RSRC1: variants seen among roughly 807,000 people sequenced by gnomAD.
RSRC1 encodes serine/Arginine-related protein 53.
In RSRC1, 39 loss-of-function variants were observed where a neutral mutation model predicts 49.1. The observed-to-expected ratio is 0.79, with a 90% CI of 0.61 to 1.04. RSRC1 has a LOEUF of 1.04. RSRC1 is among the 50% of genes least tolerant of loss of function. RSRC1 has a pLI of 0.00. For synonymous variants in RSRC1, 143 were observed against 130.8 expected (o/e 1.09, Z -0.63); for missense variants, 388 against 402.4 (o/e 0.96, Z 0.31).
intron 6 of RSRC1, among the ~76,000 whole-genome samples, chr3:158,441,098 C>A (rs374901836): frequency 6.6e-6 from 1 of 152,052 alleles, no homozygotes; most frequent in Non-Finnish European, 1.5e-5. Context: ...TATTAAATGG[C>A]CCAAAAAGAA....
chr3:158,179,631 T>C (rs1719464781), intron 3 of RSRC1, among the ~76,000 whole-genome samples: 2 of 152,206 alleles, frequency 1.3e-5, no homozygotes, highest in African/African-American at 4.8e-5. Flanking sequence ...CCTCAGTTTG[T>C]TTAACTATTA....
intron 7 of RSRC1, among the ~76,000 whole-genome samples, chr3:158,490,503 T>G (rs1041258658): frequency 5.9e-5 from 9 of 152,342 alleles, no homozygotes; most frequent in Non-Finnish European, 1.2e-4. Context: ...AAAAGTAGTA[T>G]GTAGTGATGT....
chr3:158,146,316 T>G (rs974213092), intron 3 of RSRC1, among the ~76,000 whole-genome samples: 3 of 152,198 alleles, frequency 2.0e-5, no homozygotes, highest in African/African-American at 7.2e-5. Flanking sequence ...AATATCTAAT[T>G]TATTGAGAGT....
chr3:158,434,056 A>G (rs1381899440), intron 6 of RSRC1, among the ~76,000 whole-genome samples: 1 of 151,956 alleles, frequency 6.6e-6, no homozygotes, highest in East Asian at 1.9e-4. Flanking sequence ...TTAGTTGACT[A>G]TTTAAGAAAT....
intron 3 of RSRC1, among the ~76,000 whole-genome samples, chr3:158,178,313 A>AT (rs1719367806): frequency 6.6e-6 from 1 of 151,758 alleles, no homozygotes; most frequent in Non-Finnish European, 1.5e-5. Context: ...AAATTTTTGT[A>AT]TTTTTTGGTA....
Position 158,345,775 on chromosome 3 carries a change from G to GTATA in RSRC1, c.532-9071_532-9068dup, listed in dbSNP as rs142376368. ...AGACTCATCATATATATGTGTGTGT[G>GTATA]TATATATATATATACACATATATAT... On this transcript the variant is annotated intron_variant, in intron 5 of 9. Transcript: ENST00000611884. Among the ~76,000 whole-genome samples the GTATA allele has an allele frequency of 1.9e-3, 279 of 143,326 alleles. 1 individual carries two copies. The highest frequency in any genetic ancestry group is 8.7e-3 in the South Asian group (39 of 4,508). 94.0% of individuals were successfully genotyped at this position (143,326 alleles called of 152,430 possible).
Position 158,228,848 on chromosome 3 carries a change from C to CACACATACATGTATATATGTATATAA in RSRC1, c.494+25611_494+25612insATGTATATATGTATATAAACACATAC, listed in dbSNP as rs1559951861. On this transcript the variant is annotated intron_variant, in intron 4 of 9. Coordinates refer to ENST00000611884, the MANE Select transcript of RSRC1 (RefSeq NM_001271838.2). ...ACACGTGTGTATATATGTATATAAACACACATACGTGTATATATGTATATA... is the reference window on the plus strand; with the variant it reads ...ACACGTGTGTATATATGTATATAAACACACATACATGTATATATGTATATAAACACATACGTGTATATATGTATATA... Among the ~76,000 whole-genome samples the CACACATACATGTATATATGTATATAA allele has an allele frequency of 1.8e-4, 15 of 81,606 alleles. 2 individuals are homozygous for CACACATACATGTATATATGTATATAA. The highest frequency in any genetic ancestry group is 4.1e-4 in the Non-Finnish European group (15 of 36,208). The allele number at this position is 81,606 out of a possible 152,430, so 53.5% of individuals were successfully genotyped here.
chr3:158,141,142 G>A (rs1716726749), intron 3 of RSRC1, among the ~76,000 whole-genome samples: 1 of 152,190 alleles, frequency 6.6e-6, no homozygotes, highest in Non-Finnish European at 1.5e-5. Flanking sequence ...ACCTTCAGAT[G>A]AGGTGTGAAT....
chr3:158,163,233 C>G (rs1014839799), intron 3 of RSRC1, among the ~76,000 whole-genome samples: 6 of 152,130 alleles, frequency 3.9e-5, no homozygotes, highest in Admixed American at 6.5e-5. Flanking sequence ...AAACTCCTGG[C>G]TTCAAGTGAT....
At chr3:158,509,641 T>A (rs1205020131) in intron 7 of RSRC1, among the ~76,000 whole-genome samples, 4 of 152,112 alleles carry the variant, frequency 2.6e-5, no homozygotes, top group Admixed American at 1.3e-4. Flanking sequence ...TATTAATATT[T>A]TACAAATTAA....
chr3:158,256,373 C>T (rs543951993), intron 4 of RSRC1, among the ~76,000 whole-genome samples: 13 of 152,166 alleles, frequency 8.5e-5, no homozygotes, highest in African/African-American at 2.2e-4. Context: ...TTATGATTTG[C>T]GTATGTTGAA....
chr3:158,499,791 T>C (rs1404773745), intron 7 of RSRC1, among the ~76,000 whole-genome samples: 1 of 152,158 alleles, frequency 6.6e-6, no homozygotes, highest in Non-Finnish European at 1.5e-5. Context: ...TTCAAGGTAA[T>C]TGATCATATC....
intron 7 of RSRC1, among the ~76,000 whole-genome samples, chr3:158,512,333 G>A (rs1451929619): frequency 2.1e-5 from 3 of 142,064 alleles, no homozygotes; most frequent in African/African-American, 8.1e-5. Context: ...TTCTACATAT[G>A]GCTAGCCAGT....
chr3:158,118,460 T>TGCGCGCGC (rs1489357796), intron 1 of RSRC1, among the ~76,000 whole-genome samples: 3 of 105,022 alleles, frequency 2.9e-5, no homozygotes, highest in African/African-American at 1.3e-4. Flanking sequence ...TGTGTGTGTG[T>TGCGCGCGC]GTGCGCGTGC....
chr3:158,309,120 T>G (rs566668909), intron 5 of RSRC1, among the ~76,000 whole-genome samples: 12 of 151,938 alleles, frequency 7.9e-5, no homozygotes, highest in African/African-American at 2.9e-4. Context: ...TGAGAAATGA[T>G]GCACTGCTCC....
chr3:158,454,439 C>CT (rs559421302), intron 6 of RSRC1, among the ~76,000 whole-genome samples: 69 of 152,168 alleles, frequency 4.5e-4, no homozygotes, highest in Non-Finnish European at 7.9e-4. Context: ...TGTCACTTAA[C>CT]TTTTTTTGTA....
At chr3:158,190,476 T>C (rs1720173907) in intron 3 of RSRC1, among the ~76,000 whole-genome samples, 1 of 151,746 alleles carries the variant, frequency 6.6e-6, no homozygotes, top group African/African-American at 2.4e-5. Flanking sequence ...TATGAGCACC[T>C]TATAATTTAA....
At chr3:158,339,468 A>G (rs1214459638) in intron 5 of RSRC1, among the ~76,000 whole-genome samples, 1 of 152,134 alleles carries the variant, frequency 6.6e-6, no homozygotes, top group Non-Finnish European at 1.5e-5. Flanking sequence ...TTGTATTACC[A>G]AATAGTTTGG....
At chr3:158,438,766 C>T (rs1736194660) in intron 6 of RSRC1, among the ~76,000 whole-genome samples, 1 of 152,120 alleles carries the variant, frequency 6.6e-6, no homozygotes, top group Admixed American at 6.6e-5. Context: ...TGGGCAAGGA[C>T]TTCATGTCTA....
Sources: gnomAD v4.1 joint callset for allele counts (sites outside exome capture counted in the v4.1 genomes callset) on GRCh38, gnomAD v4.1.1 for gene constraint, MANE v1.5 for transcripts, NCBI Gene and HGNC (gene_info 2026-07-23, HGNC 2026-07-21) for gene names.